FEM1A: variants seen among roughly 807,000 people sequenced by gnomAD.
The protein encoded by FEM1A is fem-1 homolog A, also known as protein fem-1 homolog A.
Under a neutral mutation model 0.7 loss-of-function variants are expected in FEM1A, and 1 was observed. That is an observed-to-expected ratio of 1.35 (90% CI 0.48 to 6.40). FEM1A has a LOEUF of 6.40. Among genes scored for constraint, FEM1A ranks in the 30% most tolerant of loss-of-function variants. The pLI, the probability that FEM1A is intolerant of heterozygous loss-of-function variation, is 0.14. For missense variants in FEM1A, 721 were observed against 918.7 expected (o/e 0.78, Z 2.78); for synonymous variants, 391 against 420.6 (o/e 0.93, Z 0.86).
Position 4,797,554 on chromosome 19 carries a change from C to CTGGGG in FEM1A, c.*3700_*3704dup, listed in dbSNP as rs1178548945. The CTGGGG allele has an allele frequency of 6.6e-6, 1 of 151,694 alleles. No homozygotes were observed. The highest frequency in any genetic ancestry group is 1.5e-5 in the Non-Finnish European group (1 of 68,012). The allele number at this position is 151,694 out of a possible 1,614,324, so 9.4% of individuals were successfully genotyped here. On this transcript the variant is annotated 3_prime_UTR_variant, in exon 1 of 1. Coordinates refer to ENST00000269856, the MANE Select transcript of FEM1A (RefSeq NM_018708.3). Reference sequence around the variant, plus strand: ...GACCTGGTTGATAGCTCCCTTGAGACTGGGGTGGGGTGGGTGTCCCAAGAT... The same window carrying CTGGGG: ...GACCTGGTTGATAGCTCCCTTGAGACTGGGGTGGGGTGGGGTGGGTGTCCCAAGAT...
At position 4,796,752 on chromosome 19, in the gene FEM1A, C is replaced by T. The variant is rs934538889; in HGVS notation, c.*2888C>T. On this transcript the variant is annotated 3_prime_UTR_variant, in exon 1 of 1. Transcript: ENST00000269856. ...GCCTCACGTGGCAGTGGGGAGAGGC[C>T]CTGCTGTGGGGCACCGCATGCTGCT... The T allele has an allele frequency of 2.0e-5, 3 of 152,394 alleles. No individual in the cohort carries two copies. The highest frequency in any genetic ancestry group is 7.2e-5 in the African/African-American group (3 of 41,438). 9.4% of individuals were successfully genotyped at this position (152,394 alleles called of 1,614,324 possible). A position where few individuals can be genotyped will look rare whatever the true frequency, so the allele number is the denominator to read the frequency against.
Position 4,791,829 on chromosome 19 carries a change from C to T in FEM1A, c.-26C>T, listed in dbSNP as rs996348494. 7.4e-6 allele frequency: 11 copies of T among 1,477,032 alleles called. No individual in the cohort carries two copies. The highest frequency in any genetic ancestry group is 9.9e-6 in the Non-Finnish European group (11 of 1,115,428). The allele number at this position is 1,477,032 out of a possible 1,614,324, so 91.5% of individuals were successfully genotyped here. A position where few individuals can be genotyped will look rare whatever the true frequency, so the allele number is the denominator to read the frequency against. ...CGTCTCCCCGTCCCCCGGCGGCCGG[C>T]CCATGGCCTGGCGGAGGCCCGAACC... On this transcript the variant is annotated 5_prime_UTR_variant, in exon 1 of 1. Coordinates refer to ENST00000269856, the MANE Select transcript of FEM1A (RefSeq NM_018708.3).
Position 4,799,368 on chromosome 19 carries a change from T to C in FEM1A, c.*5504T>C, listed in dbSNP as rs559395545. 2 of 152,404 alleles carry C rather than the reference T, an allele frequency of 1.3e-5. No individual in the cohort carries two copies. Among genetic ancestry groups the C allele is most frequent in the South Asian group, 2.1e-4 (1 of 4,854 alleles). 9.4% of individuals were successfully genotyped at this position (152,404 alleles called of 1,614,324 possible). Reference sequence around the variant, plus strand: ...GATGGAGGTTGCAGTGAGCCGAGATTGCACCACTGCACTCCAGCCTGGGCA... The same window carrying C: ...GATGGAGGTTGCAGTGAGCCGAGATCGCACCACTGCACTCCAGCCTGGGCA... On this transcript the variant is annotated 3_prime_UTR_variant, in exon 1 of 1. Coordinates refer to ENST00000269856, the MANE Select transcript of FEM1A (RefSeq NM_018708.3).
chr19:4,793,878 C>T lies in FEM1A; in HGVS notation c.*14C>T. On this transcript the variant is annotated 3_prime_UTR_variant, in exon 1 of 1. Coordinates refer to ENST00000269856, the MANE Select transcript of FEM1A (RefSeq NM_018708.3). The surrounding 1 kb of genome is among the most constrained non-coding windows in gnomAD (Gnocchi z 5.1). ...GAACTGCACTGACCTGCCCAGAACG[C>T]CTGCACCCTCACCTCTCCCCTCTCC... 6.3e-7 allele frequency: 1 copy of T among 1,584,106 alleles called. No individual in the cohort carries two copies. The highest frequency in any genetic ancestry group is 1.1e-5 in the South Asian group (1 of 86,998).
rs1319904254 is a variant in FEM1A at position 4,792,003 on chromosome 19, G to T, written c.149G>T (p.Arg50Leu). Residue 50 changes from arginine to leucine, a missense_variant, in exon 1 of 1, where the codon CGC (arginine) becomes CTC (leucine). Physicochemically the swap from Arg to Leu is moderately radical, Grantham distance 102 (BLOSUM62 -2). Coordinates refer to ENST00000269856, the MANE Select transcript of FEM1A (RefSeq NM_018708.3). The surrounding 1 kb of genome is among the most constrained non-coding windows in gnomAD (Gnocchi z 6.7). ...GGAACGCCGCTACTCATCGCCGCCC[G>T]CTACGGCCACCTGGACGTGGTGGAG... is the stretch of plus-strand genomic sequence containing the variant. ...GGGTPLLIAA[R>L]YGHLDVVEYL... 1.3e-6 allele frequency: 2 copies of T among 1,535,362 alleles called. No homozygotes were observed. The highest frequency in any genetic ancestry group is 2.4e-5 in the East Asian group (1 of 40,858).
At position 4,796,571 on chromosome 19, in the gene FEM1A, A is replaced by G. The variant is rs548180196; in HGVS notation, c.*2707A>G. The G allele has an allele frequency of 2.6e-5, 4 of 152,206 alleles. 1 individual carries two copies. The East Asian group carries it at 7.7e-4, about 29-fold the overall frequency. The allele number at this position is 152,206 out of a possible 1,614,324, so 9.4% of individuals were successfully genotyped here. A position where few individuals can be genotyped will look rare whatever the true frequency, so the allele number is the denominator to read the frequency against. Reference sequence around the variant, plus strand: ...ATTCTAAAATTCTGGTTTTCTCCATATCAGAACAGTCAAACCCCCACCAGA... The same window carrying G: ...ATTCTAAAATTCTGGTTTTCTCCATGTCAGAACAGTCAAACCCCCACCAGA... On this transcript the variant is annotated 3_prime_UTR_variant, in exon 1 of 1. Transcript: ENST00000269856.
rs755220745 is a variant in FEM1A, at chr19:4,792,774, C to A, written c.920C>A (p.Thr307Lys). Reference protein sequence around the residue: ...AVEALELLGATYVDKKRDLLG... With the variant: ...AVEALELLGAKYVDKKRDLLG... Reference sequence around the variant, plus strand: ...GAAGCCTTGGAATTGCTGGGAGCTACGTATGTGGATAAGAAACGAGATCTG... The same window carrying A: ...GAAGCCTTGGAATTGCTGGGAGCTAAGTATGTGGATAAGAAACGAGATCTG... Residue 307 changes from threonine (T) to lysine (K), a missense_variant, in exon 1 of 1, where the codon ACG (threonine) becomes AAG (lysine). Physicochemically the swap from Thr to Lys is moderately conservative, Grantham distance 78. Coordinates refer to ENST00000269856, the MANE Select transcript of FEM1A (RefSeq NM_018708.3). This position sits in a 1 kb window ranked among gnomAD's most constrained non-coding sequence, Gnocchi z 6.7. 2.5e-6 allele frequency: 4 copies of A among 1,612,022 alleles called. No individual in the cohort carries two copies. The African/African-American group carries it at 5.3e-5, about 22-fold the overall frequency.
chr19:4,794,060 A>G lies in FEM1A; in HGVS notation c.*196A>G, dbSNP rs1275208345. ...TTTGGTGCTAGAAGCCTGCGGGGTC[A>G]TGTGCTAAGAGGACAGTCTTTCTCC... On this transcript the variant is annotated 3_prime_UTR_variant, in exon 1 of 1. Coordinates refer to ENST00000269856, the MANE Select transcript of FEM1A (RefSeq NM_018708.3). 27 of 614,134 alleles carry G rather than the reference A, an allele frequency of 4.4e-5. No homozygotes were observed. The East Asian group carries it at 7.8e-4, about 18-fold the overall frequency. The allele number at this position is 614,134 out of a possible 1,614,324, so 38.0% of individuals were successfully genotyped here.
At position 4,793,684 on chromosome 19, in the gene FEM1A, C is replaced by T. The variant is rs771696581; in HGVS notation, c.1830C>T (p.Thr610=). The T allele has an allele frequency of 4.6e-5, 74 of 1,612,928 alleles. No individual in the cohort carries two copies. Among genetic ancestry groups the T allele is most frequent in the Non-Finnish European group, 6.0e-5 (71 of 1,179,836 alleles). Residue 610 remains threonine, a synonymous_variant, in exon 1 of 1, where the codon ACC becomes ACT. Coordinates refer to ENST00000269856, the MANE Select transcript of FEM1A (RefSeq NM_018708.3). The surrounding 1 kb of genome is among the most constrained non-coding windows in gnomAD (Gnocchi z 5.1). Reference sequence around the variant, plus strand: ...AAGCAGGGGCCCACATGGACGCCACCAATGCCTTCAAGAAGACGGCCTACG... The same window carrying T: ...AAGCAGGGGCCCACATGGACGCCACTAATGCCTTCAAGAAGACGGCCTACG... The part of the protein sequence containing the change: ...LIEAGAHMDA[T]NAFKKTAYEL...
rs3034413 is a variant in FEM1A at position 4,797,158 on chromosome 19, C to CTTTTTTTTTTTTTTTTTTTT, written c.*3300_*3319dup. On this transcript the variant is annotated 3_prime_UTR_variant, in exon 1 of 1. Coordinates refer to ENST00000269856, the MANE Select transcript of FEM1A (RefSeq NM_018708.3). Reference sequence around the variant, plus strand: ...ACGGCCCTCTTAAGATGAAGGTCATCTTTTTTTTTTTTTTTTTTTTTTTTT... The same window carrying CTTTTTTTTTTTTTTTTTTTT: ...ACGGCCCTCTTAAGATGAAGGTCATCTTTTTTTTTTTTTTTTTTTTTTTTTTTTTTTTTTTTTTTTTTTTT... 1.4e-5 allele frequency: 1 copy of CTTTTTTTTTTTTTTTTTTTT among 73,308 alleles called. No individual in the cohort carries two copies. Among genetic ancestry groups the CTTTTTTTTTTTTTTTTTTTT allele is most frequent in the Non-Finnish European group, 2.4e-5 (1 of 40,994 alleles). 4.5% of individuals were successfully genotyped at this position (73,308 alleles called of 1,614,324 possible).
rs2093561691 is a variant in FEM1A at position 4,796,847 on chromosome 19, C to G, written c.*2983C>G. ...GTCTCCCATCTCTTGCCTTCACACA[C>G]CTGCTGTCTTGTTTCATTTGGGACT... is the stretch of plus-strand genomic sequence containing the variant. On this transcript the variant is annotated 3_prime_UTR_variant, in exon 1 of 1. Transcript: ENST00000269856. The G allele has an allele frequency of 6.6e-6, 1 of 152,304 alleles. No individual in the cohort carries two copies. The highest frequency in any genetic ancestry group is 1.5e-5 in the Non-Finnish European group (1 of 68,116). The allele number at this position is 152,304 out of a possible 1,614,324, so 9.4% of individuals were successfully genotyped here. A position where few individuals can be genotyped will look rare whatever the true frequency, so the allele number is the denominator to read the frequency against.
chr19:4,792,840 G>A lies in FEM1A; in HGVS notation c.986G>A (p.Arg329His), dbSNP rs762158610. ...CACTGGAGGCGGGCCATGGAGCTGC[G>A]TCACCAGGGGGGCGAGTACCTGCCC... is the stretch of plus-strand genomic sequence containing the variant. ...LKHWRRAMEL[R>H]HQGGEYLPKP... Residue 329 changes from arginine (R) to histidine (H), a missense_variant, in exon 1 of 1, where the codon CGT (arginine) becomes CAT (histidine). Transcript: ENST00000269856. This position sits in a 1 kb window ranked among gnomAD's most constrained non-coding sequence, Gnocchi z 6.7. The A allele has an allele frequency of 2.5e-6, 4 of 1,612,146 alleles. No individual in the cohort carries two copies. The highest frequency in any genetic ancestry group is 2.5e-6 in the Non-Finnish European group (3 of 1,180,008).
Position 4,793,652 on chromosome 19 carries a change from C to G in FEM1A, c.1798C>G (p.Leu600Val), listed in dbSNP as rs748852480. 1.2e-6 allele frequency: 2 copies of G among 1,613,006 alleles called. No homozygotes were observed. Among genetic ancestry groups the G allele is most frequent in the South Asian group, 2.2e-5 (2 of 91,026 alleles). ...CAACTGCCCGGCCATCATGAATGCCCTGATCGAAGCAGGGGCCCACATGGA... is the reference window on the plus strand; with the variant it reads ...CAACTGCCCGGCCATCATGAATGCCGTGATCGAAGCAGGGGCCCACATGGA... ...QNNCPAIMNA[L>V]IEAGAHMDAT... Residue 600 changes from leucine to valine, a missense_variant, in exon 1 of 1, where the codon CTG becomes GTG. Around this residue, in one of 4 missense-constraint regions of FEM1A, gnomAD observed 379 missense variants for 454.8 expected, o/e 0.83. Coordinates refer to ENST00000269856, the MANE Select transcript of FEM1A (RefSeq NM_018708.3). The surrounding 1 kb of genome is among the most constrained non-coding windows in gnomAD (Gnocchi z 5.1).
chr19:4,792,995 A>C lies in FEM1A; in HGVS notation c.1141A>C (p.Ile381Leu). Residue 381 changes from isoleucine (I) to leucine (L), a missense_variant, in exon 1 of 1, where the codon ATC (isoleucine) becomes CTC (leucine). By Grantham distance (5) the Ile-to-Leu change is conservative (BLOSUM62 2). Transcript: ENST00000269856. The surrounding 1 kb of genome is among the most constrained non-coding windows in gnomAD (Gnocchi z 6.7). ...RMQALLIRER[I>L]LGPSHPDTSY... ...GCAGGCCCTGTTGATCCGGGAGCGCATCCTCGGTCCCTCGCACCCGGACAC... is the reference window on the plus strand; with the variant it reads ...GCAGGCCCTGTTGATCCGGGAGCGCCTCCTCGGTCCCTCGCACCCGGACAC... 6.2e-7 allele frequency: 1 copy of C among 1,613,096 alleles called. No homozygotes were observed. Among genetic ancestry groups the C allele is most frequent in the Non-Finnish European group, 8.5e-7 (1 of 1,180,004 alleles).
rs1189075522 is a variant in FEM1A, at chr19:4,794,721, A to G, written c.*857A>G. 1.2e-5 allele frequency: 2 copies of G among 166,970 alleles called. No individual in the cohort carries two copies. The highest frequency in any genetic ancestry group is 2.9e-5 in the Non-Finnish European group (2 of 68,122). 10.3% of individuals were successfully genotyped at this position (166,970 alleles called of 1,614,324 possible). A position where few individuals can be genotyped will look rare whatever the true frequency, so the allele number is the denominator to read the frequency against. On this transcript the variant is annotated 3_prime_UTR_variant, in exon 1 of 1. Transcript: ENST00000269856. ...AACATGGGTGACCGTACATTTTTAT[A>G]CATCTCCACTCTACGGCCTTTTACA...
Position 4,799,009 on chromosome 19 carries a change from A to C in FEM1A, c.*5145A>C, listed in dbSNP as rs374631564. On this transcript the variant is annotated 3_prime_UTR_variant, in exon 1 of 1. Transcript: ENST00000269856. ...AGTTTCAGCTGAGGGCCGATCCAGC[A>C]GATCCCAGTTGTTCCTAAAGACCTG... 4.6e-5 allele frequency: 7 copies of C among 151,930 alleles called. No homozygotes were observed. The East Asian group carries it at 9.7e-4, about 21-fold the overall frequency. 9.4% of individuals were successfully genotyped at this position (151,930 alleles called of 1,614,324 possible).
chr19:4,794,355 C>T lies in FEM1A; in HGVS notation c.*491C>T, dbSNP rs2093558497. ...GTTTGAGATTCAGGGAATGAGACCA[C>T]CTCTCATTTCTTCCAGCATGATCGC... On this transcript the variant is annotated 3_prime_UTR_variant, in exon 1 of 1. Coordinates refer to ENST00000269856, the MANE Select transcript of FEM1A (RefSeq NM_018708.3). The T allele has an allele frequency of 5.7e-6, 1 of 176,912 alleles. No homozygotes were observed. Among genetic ancestry groups the T allele is most frequent in the African/African-American group, 2.4e-5 (1 of 41,576 alleles). The allele number at this position is 176,912 out of a possible 1,614,324, so 11.0% of individuals were successfully genotyped here.
chr19:4,793,000 C>A lies in FEM1A; in HGVS notation c.1146C>A (p.Leu382=). 1 of 1,613,138 alleles carries A rather than the reference C, an allele frequency of 6.2e-7. No homozygotes were observed. ...MQALLIRERI[L]GPSHPDTSYY... ...CCCTGTTGATCCGGGAGCGCATCCT[C>A]GGTCCCTCGCACCCGGACACTTCCT... The change falls in exon 1 of 1, where the codon CTC becomes CTA. Residue 382 remains leucine, a synonymous_variant. Coordinates refer to ENST00000269856, the MANE Select transcript of FEM1A (RefSeq NM_018708.3). The surrounding 1 kb of genome is among the most constrained non-coding windows in gnomAD (Gnocchi z 6.7).
chr19:4,792,837 T>A lies in FEM1A; in HGVS notation c.983T>A (p.Leu328Gln). 6.2e-7 allele frequency: 1 copy of A among 1,612,154 alleles called. No homozygotes were observed. Among genetic ancestry groups the A allele is most frequent in the Non-Finnish European group, 8.5e-7 (1 of 1,179,998 alleles). ...AAACACTGGAGGCGGGCCATGGAGC[T>A]GCGTCACCAGGGGGGCGAGTACCTG... Reference protein sequence around the residue: ...ALKHWRRAMELRHQGGEYLPK... With the variant: ...ALKHWRRAMEQRHQGGEYLPK... The change falls in exon 1 of 1, where the codon CTG becomes CAG. Residue 328 changes from leucine to glutamine, a missense_variant. Physicochemically the swap from Leu to Gln is moderately radical, Grantham distance 113. Around this residue, in one of 4 missense-constraint regions of FEM1A, gnomAD observed 379 missense variants for 454.8 expected, o/e 0.83. Coordinates refer to ENST00000269856, the MANE Select transcript of FEM1A (RefSeq NM_018708.3). This position sits in a 1 kb window ranked among gnomAD's most constrained non-coding sequence, Gnocchi z 6.7.
Sources: allele counts gnomAD v4.1 joint callset, GRCh38; gene constraint gnomAD v4.1.1; regional missense constraint gnomAD v4.1.1; non-coding constraint Gnocchi (gnomAD v3.1); transcripts MANE v1.5; gene names NCBI Gene and HGNC (gene_info 2026-07-23, HGNC 2026-07-21).